USP25: variants seen among roughly 807,000 people sequenced by gnomAD.
USP25 encodes ubiquitin carboxyl-terminal hydrolase 25.
In USP25, 85 loss-of-function variants were observed where a neutral mutation model predicts 158.5. That is an observed-to-expected ratio of 0.54 (90% confidence interval 0.45 to 0.64). USP25 has a LOEUF of 0.64. Ranked by LOEUF, USP25 falls within the 30% of genes least tolerant of loss-of-function variation. USP25 has a pLI of 0.00. For synonymous variants in USP25, 464 were observed against 460.4 expected, an observed-to-expected ratio of 1.01 and a Z score of -0.10; for missense variants, 1,242 against 1,327.3, an observed-to-expected ratio of 0.94 and a Z score of 1.00.
chr21:15,736,571 T>C (rs1210196185), intron 1 of USP25, among the ~76,000 whole-genome samples: 2 of 151,962 alleles, frequency 1.3e-5, no homozygotes, highest in Non-Finnish European at 1.5e-5. Flanking sequence ...CCCTTGTCTT[T>C]AACGTTTTCT....
intron 20 of USP25, among the ~76,000 whole-genome samples, chr21:15,852,452 T>C (rs1276691274): frequency 2.0e-5 from 3 of 152,182 alleles, no homozygotes; most frequent in African/African-American, 7.2e-5. Context: ...ATTGAGTCAT[T>C]GTGAGCTTTA....
chr21:15,835,429 C>T lies in USP25; in HGVS notation c.2194+1881C>T, dbSNP rs1486664223. The stretch of plus-strand genomic sequence containing the variant: ...CTAGCCTTGCCCCATCCTCATTTTA[C>T]ATTTGTCATCTTTTTTCTTTCTCTG... On this transcript the variant is annotated intron_variant, in intron 17 of 25. Coordinates refer to ENST00000400183, the MANE Select transcript of USP25 (RefSeq NM_001283041.3). Among the ~76,000 whole-genome samples, 7 of 151,202 alleles carry T rather than the reference C, an allele frequency of 4.6e-5. No individual in the cohort carries two copies. The South Asian group carries it at 1.5e-3, about 31-fold the overall frequency.
chr21:15,864,226 C>A lies in USP25; in HGVS notation c.2548-42C>A. On this transcript the variant is annotated intron_variant, in intron 20 of 25. Transcript: ENST00000400183. ...TAATATTGAAGGATTTTTTGGTGTT[C>A]AAATAATTAACCAAAATTATCATTT... 2.6e-6 allele frequency: 4 copies of A among 1,555,584 alleles called. No homozygotes were observed. The South Asian group carries it at 4.8e-5, about 19-fold the overall frequency.
intron 8 of USP25, among the ~76,000 whole-genome samples, chr21:15,809,418 G>A (rs1156264785): frequency 6.6e-6 from 1 of 151,926 alleles, no homozygotes; most frequent in African/African-American, 2.4e-5. Context: ...AAAGTGAGTA[G>A]GAATATCTCA....
chr21:15,757,601 C>G (rs1368567615), intron 1 of USP25, among the ~76,000 whole-genome samples: 4 of 152,200 alleles, frequency 2.6e-5, no homozygotes, highest in Non-Finnish European at 4.4e-5. Flanking sequence ...CACAGATTTG[C>G]TGGTTGGCTG....
At chr21:15,825,227 T>G (rs76382708) in intron 12 of USP25, among the ~76,000 whole-genome samples, 166 bp downstream of exon 12, 1,757 of 152,320 alleles carry the variant, frequency 0.012, 34 homozygotes, top group African/African-American at 0.04. Flanking sequence ...ATAGTAGACT[T>G]TAAAAAATTA....
At chr21:15,802,248 A>C (rs1311328346) in intron 6 of USP25, among the ~76,000 whole-genome samples, 2 of 151,594 alleles carry the variant, frequency 1.3e-5, no homozygotes, top group South Asian at 2.1e-4. Context: ...CCACTACTTA[A>C]AGTGAATGTC....
intron 1 of USP25, among the ~76,000 whole-genome samples, chr21:15,746,908 C>T (rs1378499488): frequency 6.6e-6 from 1 of 152,050 alleles, no homozygotes; most frequent in Non-Finnish European, 1.5e-5. Flanking sequence ...GTCTTGTTCC[C>T]GATTTTGTAT....
At chr21:15,840,978 G>A (rs1332669129) in intron 17 of USP25, among the ~76,000 whole-genome samples, 1 of 152,178 alleles carries the variant, frequency 6.6e-6, no homozygotes, top group African/African-American at 2.4e-5. Context: ...GTATTGCTAA[G>A]CTGATGGTAG....
At chr21:15,864,787 A>C (rs541596891) in intron 21 of USP25, among the ~76,000 whole-genome samples, 2 of 152,274 alleles carry the variant, frequency 1.3e-5, no homozygotes, top group Admixed American at 1.3e-4. Context: ...GGGCTGTCCT[A>C]TGATTGTAGG....
At chr21:15,801,135 A>G (rs1300987394) in intron 6 of USP25, among the ~76,000 whole-genome samples, 5 of 151,568 alleles carry the variant, frequency 3.3e-5, no homozygotes, top group Non-Finnish European at 1.5e-5. Flanking sequence ...ATGGTTGAGA[A>G]TTATCATTTC....
chr21:15,825,217 A>G (rs1341048039), intron 12 of USP25, among the ~76,000 whole-genome samples, 156 bp downstream of exon 12: 8 of 152,224 alleles, frequency 5.3e-5, no homozygotes, highest in Admixed American at 3.3e-4. Context: ...CTAAAAATCT[A>G]TAGTAGACTT....
Position 15,879,283 on chromosome 21 carries a change from A to G in USP25, c.*808A>G, listed in dbSNP as rs1324423956. On this transcript the variant is annotated 3_prime_UTR_variant, in exon 26 of 26. Coordinates refer to ENST00000400183, the MANE Select transcript of USP25 (RefSeq NM_001283041.3). Reference sequence around the variant, plus strand: ...TTTCAAGAGAATCCCAAAGTACTTGAATAAGGGCTATTGTAAAATTTAAAA... The same window carrying G: ...TTTCAAGAGAATCCCAAAGTACTTGGATAAGGGCTATTGTAAAATTTAAAA... The G allele has an allele frequency of 6.6e-6, 1 of 152,504 alleles. No individual in the cohort carries two copies. The highest frequency in any genetic ancestry group is 1.5e-5 in the Non-Finnish European group (1 of 67,970). 9.4% of individuals were successfully genotyped at this position (152,504 alleles called of 1,614,324 possible).
At position 15,750,215 on chromosome 21, in the gene USP25, T is replaced by TGTATG. The variant is rs1491098028; in HGVS notation, c.46-12676_46-12675insGTATG. Among the ~76,000 whole-genome samples, 10 of 9,100 alleles carry TGTATG rather than the reference T, an allele frequency of 1.1e-3. No homozygotes were observed. In the South Asian group the frequency reaches 0.1, roughly 91 times the overall value. The allele number at this position is 9,100 out of a possible 152,430, so 6.0% of individuals were successfully genotyped here. ...GTGTGTGTGTGTGTGTGTGTGTATGTTTTTTTTTTTTTTTTTTTTTTTCCT... is the reference window on the plus strand; with the variant it reads ...GTGTGTGTGTGTGTGTGTGTGTATGTGTATGTTTTTTTTTTTTTTTTTTTTTTCCT... On this transcript the variant is annotated intron_variant, in intron 1 of 25. Transcript: ENST00000400183.
chr21:15,818,044 T>C (rs2037037054), intron 9 of USP25, among the ~76,000 whole-genome samples: 1 of 152,150 alleles, frequency 6.6e-6, no homozygotes, highest in East Asian at 1.9e-4. Context: ...CCTAAACATA[T>C]CAACTTCTTT....
At chr21:15,754,795 C>T (rs561761977) in intron 1 of USP25, among the ~76,000 whole-genome samples, 8 of 152,276 alleles carry the variant, frequency 5.3e-5, no homozygotes, top group African/African-American at 1.7e-4. Context: ...ATGAAAGATC[C>T]GGCTTACACA....
intron 20 of USP25, among the ~76,000 whole-genome samples, chr21:15,852,800 A>T (rs1189998111): frequency 1.3e-5 from 2 of 152,118 alleles, no homozygotes; most frequent in African/African-American, 4.8e-5. Flanking sequence ...GTATATGTTT[A>T]TAAAATTTCT....
In USP25 at chr21:15,874,458, T is replaced by C; in HGVS notation, c.2941T>C (p.Leu981=). Residue 981 remains leucine, a synonymous_variant, in exon 24 of 26, where the codon TTG becomes CTG. Coordinates refer to ENST00000400183, the MANE Select transcript of USP25 (RefSeq NM_001283041.3). The part of the protein sequence containing the change: ...ICAYQNNKEL[L]SKGLYRGHDE... The stretch of plus-strand genomic sequence containing the variant: ...TGCTTATCAGAATAACAAAGAACTC[T>C]TGTCTAAAGGCTTATACAGAGGACA... 3.1e-6 allele frequency: 5 copies of C among 1,611,610 alleles called. No homozygotes were observed. The highest frequency in any genetic ancestry group is 4.2e-6 in the Non-Finnish European group (5 of 1,178,736).
At chr21:15,842,566 G>C (rs1023280876) in intron 18 of USP25, 26 bp downstream of exon 18, 2 of 1,610,608 alleles carry the variant, frequency 1.2e-6, no homozygotes, top group Non-Finnish European at 1.7e-6. Context: ...TTGGCTCTCT[G>C]AACATAGCCA....
Sources: gnomAD v4.1 joint callset for allele counts (sites outside exome capture counted in the v4.1 genomes callset) on GRCh38, gnomAD v4.1.1 for gene constraint, MANE v1.5 for transcripts, NCBI Gene and HGNC (gene_info 2026-07-23, HGNC 2026-07-21) for gene names.